Variants in PIK3R4 observed in about 807,000 individuals in gnomAD.
PIK3R4 encodes phosphoinositide 3-kinase regulatory subunit 4.
A neutral mutation model predicts 136.5 loss-of-function variants in PIK3R4; 46 were observed. The ratio of observed to expected loss-of-function variants is 0.34; its 90% CI spans 0.27 to 0.43. PIK3R4 has a LOEUF of 0.43. Among genes scored for constraint, PIK3R4 ranks in the 20% least tolerant of loss-of-function variants. PIK3R4 has a pLI of 1.00. For missense variants in PIK3R4, 1,331 were observed against 1,649.5 expected (o/e 0.81, Z 3.35); for synonymous variants, 557 against 566.7 (o/e 0.98, Z 0.24).
chr3:130,740,633 A>G (rs1203678618), intron 2 of PIK3R4, among the ~76,000 whole-genome samples: 1 of 152,038 alleles, frequency 6.6e-6, no homozygotes, highest in Non-Finnish European at 1.5e-5. Flanking sequence ...CCAGCTACTC[A>G]GGAGGCAGCA....
At chr3:130,685,312 TGTTA>T (rs538206308) in intron 15 of PIK3R4, among the ~76,000 whole-genome samples, 3 of 152,192 alleles carry the variant, frequency 2.0e-5, no homozygotes, top group Non-Finnish European at 4.4e-5. Flanking sequence ...GTGATAGATT[TGTTA>T]GTTTGATTTA....
Position 130,705,738 on chromosome 3 carries a change from G to T in PIK3R4, c.2755C>A (p.Pro919Thr), listed in dbSNP as rs1230686020. Reference protein sequence around the residue: ...PEVTTVQNKKPVIPVLSSTIL... With the variant: ...PEVTTVQNKKTVIPVLSSTIL... ...GTACTACTTAAAACCGGTATTACTG[G>T]TTTTTTATTTTGGACAGTTGTCACT... Residue 919 changes from proline (P) to threonine (T), a missense_variant, in exon 12 of 20, where the codon CCA becomes ACA. Physicochemically the swap from Pro to Thr is conservative, Grantham distance 38. Transcript: ENST00000356763. The T allele has an allele frequency of 3.7e-6, 6 of 1,610,844 alleles. No individual in the cohort carries two copies. The highest frequency in any genetic ancestry group is 2.2e-5 in the South Asian group (2 of 91,024).
At chr3:130,681,141 A>G in intron 17 of PIK3R4, 76 bp from the exon 18 acceptor site, 1 of 858,706 alleles carries the variant, frequency 1.2e-6, no homozygotes, top group Admixed American at 1.7e-5. Context: ...TTCTAGAGGC[A>G]AGTTAACTGT....
At chr3:130,737,019 G>A (rs2066789756) in intron 2 of PIK3R4, among the ~76,000 whole-genome samples, 1 of 152,128 alleles carries the variant, frequency 6.6e-6, no homozygotes, top group South Asian at 2.1e-4. Context: ...ATCATTACAT[G>A]ACAGGCATTT....
At chr3:130,698,420 G>C (rs982817220) in intron 13 of PIK3R4, among the ~76,000 whole-genome samples, 1 of 152,008 alleles carries the variant, frequency 6.6e-6, no homozygotes, top group African/African-American at 2.4e-5. Context: ...CCTCTGACTG[G>C]ATAATACCAA....
At chr3:130,727,148 T>A (rs1196363336) in intron 6 of PIK3R4, among the ~76,000 whole-genome samples, 2 of 152,226 alleles carry the variant, frequency 1.3e-5, no homozygotes, top group Non-Finnish European at 2.9e-5. Flanking sequence ...CATAGGTTTC[T>A]TGCATTTTAT....
intron 8 of PIK3R4, 44 bp downstream of exon 8, chr3:130,718,345 C>A: frequency 1.3e-6 from 2 of 1,549,488 alleles, no homozygotes; most frequent in Non-Finnish European, 8.8e-7. Context: ...TTTAAAGAGG[C>A]ACAGTTTGGA....
At position 130,746,325 on chromosome 3, in the gene PIK3R4, C is replaced by G. The variant is rs2066853025; in HGVS notation, c.-54G>C. On this transcript the variant is annotated 5_prime_UTR_variant, in exon 1 of 20. Transcript: ENST00000356763. Reference sequence around the variant, plus strand: ...GCACACATAAACATTTACCCTAGGCCTCGGGAAAGTGTCAAAATCGTTCAG... The same window carrying G: ...GCACACATAAACATTTACCCTAGGCGTCGGGAAAGTGTCAAAATCGTTCAG... 6.6e-6 allele frequency: 1 copy of G among 152,150 alleles called. No homozygotes were observed. The highest frequency in any genetic ancestry group is 2.4e-5 in the African/African-American group (1 of 41,430). The allele number at this position is 152,150 out of a possible 1,614,324, so 9.4% of individuals were successfully genotyped here.
chr3:130,689,920 T>A (rs1234568150), intron 14 of PIK3R4, among the ~76,000 whole-genome samples: 1 of 152,226 alleles, frequency 6.6e-6, no homozygotes, highest in Non-Finnish European at 1.5e-5. Context: ...TCTTACCTTG[T>A]ATGCATTTAA....
chr3:130,681,713 G>A (rs2066459689), intron 16 of PIK3R4, 122 bp from the exon 17 acceptor site: 1 of 610,042 alleles, frequency 1.6e-6, no homozygotes, highest in South Asian at 2.1e-5. Flanking sequence ...CAGGGGGAGA[G>A]ACAATATAAT....
chr3:130,720,609 G>A (rs959169221), intron 7 of PIK3R4, among the ~76,000 whole-genome samples: 30 of 152,184 alleles, frequency 2.0e-4, no homozygotes, highest in African/African-American at 7.0e-4. Flanking sequence ...TTCTCTTTAA[G>A]AGTCACTAGG....
chr3:130,730,546 T>C (rs1261263241), intron 4 of PIK3R4, 104 bp from the exon 5 acceptor site: 7 of 773,528 alleles, frequency 9.0e-6, no homozygotes, highest in Admixed American at 3.4e-5. Context: ...CATAAGCCTA[T>C]GGGAAAAACA....
chr3:130,687,593 T>C (rs1357243242), intron 14 of PIK3R4, among the ~76,000 whole-genome samples: 2 of 152,192 alleles, frequency 1.3e-5, no homozygotes, highest in Non-Finnish European at 2.9e-5. Context: ...CTACATTAGT[T>C]GACTGGGATT....
Position 130,680,510 on chromosome 3 carries a change from A to G in PIK3R4, c.3906+103T>C, listed in dbSNP as rs531670947. 18 of 555,476 alleles carry G rather than the reference A, an allele frequency of 3.2e-5. 1 individual carries two copies. The South Asian group carries it at 5.3e-4, about 16-fold the overall frequency. 34.4% of individuals were successfully genotyped at this position (555,476 alleles called of 1,614,324 possible). On this transcript the variant is annotated intron_variant, in intron 19 of 19. Transcript: ENST00000356763. ...AAGAAAAAATAAATTTCCTAAATTCAAAGTACTCCTCGCTTGGTCAAGCCA... is the reference window on the plus strand; with the variant it reads ...AAGAAAAAATAAATTTCCTAAATTCGAAGTACTCCTCGCTTGGTCAAGCCA...
At position 130,681,003 on chromosome 3, in the gene PIK3R4, TAGTA is replaced by T. The variant is rs1396746255; in HGVS notation, c.3767_3770del (p.Leu1256GlnfsTer7). 6.3e-7 allele frequency: 1 copy of T among 1,578,948 alleles called. No homozygotes were observed. Among genetic ancestry groups the T allele is most frequent in the Admixed American group, 1.7e-5 (1 of 57,608 alleles). ...TTATTTTCATATCTGAGCCAGCTGT[TAGTA>T]GGATAGGATTTCCATCTGCAGGACT... is the stretch of plus-strand genomic sequence containing the variant. On this transcript the variant is annotated frameshift_variant, in exon 18 of 20. Transcript: ENST00000356763. LOFTEE classifies it high-confidence loss of function.
At chr3:130,717,985 C>T (rs976500479) in intron 8 of PIK3R4, among the ~76,000 whole-genome samples, 10 of 152,002 alleles carry the variant, frequency 6.6e-5, no homozygotes, top group African/African-American at 1.7e-4. Flanking sequence ...AACCAGTTAG[C>T]GGTGAAAAAC....
intron 6 of PIK3R4, among the ~76,000 whole-genome samples, chr3:130,727,071 A>G (rs943196269): frequency 6.6e-6 from 1 of 152,220 alleles, no homozygotes; most frequent in African/African-American, 2.4e-5. Flanking sequence ...AAAGTTTTTC[A>G]AAGTAGAAAG....
chr3:130,740,835 C>T (rs1208242107), intron 2 of PIK3R4, among the ~76,000 whole-genome samples: 1 of 151,898 alleles, frequency 6.6e-6, no homozygotes, highest in Non-Finnish European at 1.5e-5. Context: ...AAAAATGGGG[C>T]GTGAGGAAGA....
At chr3:130,723,062 CAAAAAAAAAAAAAAA>C (rs61129038) in intron 7 of PIK3R4, among the ~76,000 whole-genome samples, 199 of 19,500 alleles carry the variant, frequency 0.01, 1 homozygote, top group South Asian at 0.024. Context: ...GAGACTGTCG[CAAAAAAAAAAAAAAA>C]AAAAAAAAAA....
Sources: gnomAD v4.1 joint callset for allele counts (sites outside exome capture counted in the v4.1 genomes callset) on GRCh38, gnomAD v4.1.1 for gene constraint, MANE v1.5 for transcripts, NCBI Gene and HGNC (gene_info 2026-07-23, HGNC 2026-07-21) for gene names.